Variants in IL12RB2 observed in about 807,000 individuals in gnomAD.
The protein encoded by IL12RB2 is interleukin 12 receptor subunit beta 2.
A neutral mutation model predicts 89.4 loss-of-function variants in IL12RB2; 82 were observed. The observed-to-expected ratio is 0.92, with a 90% CI of 0.77 to 1.10. The LOEUF is 1.10. Among genes scored for constraint, IL12RB2 ranks in the 50% least tolerant of loss-of-function variants. The probability of loss-of-function intolerance (pLI) is 0.00; values close to 1 mark genes in which losing one functional copy is unlikely to be tolerated. For synonymous variants in IL12RB2, 368 were observed against 370.1 expected, an observed-to-expected ratio of 0.99 and a Z score of 0.07; for missense variants, 963 against 1,031.9, an observed-to-expected ratio of 0.93 and a Z score of 0.92.
At chr1:67,384,642 A>C (rs1025531888) in intron 14 of IL12RB2, among the ~76,000 whole-genome samples, 2 of 152,232 alleles carry the variant, frequency 1.3e-5, no homozygotes, top group African/African-American at 4.8e-5. Context: ...ATCAGGCTGC[A>C]AATTTTCCAA....
chr1:67,379,887 C>A, intron 13 of IL12RB2, 99 bp from the exon 14 acceptor site: 2 of 987,038 alleles, frequency 2.0e-6, no homozygotes, highest in Non-Finnish European at 3.2e-6. Context: ...CTTTTTCCTT[C>A]CAAATTAAAT....
In IL12RB2 at chr1:67,396,194, T is replaced by A. The variant is rs1279922202; in HGVS notation, c.*105T>A. 1.2e-6 allele frequency: 1 copy of A among 808,202 alleles called. No homozygotes were observed. Among genetic ancestry groups the A allele is most frequent in the Non-Finnish European group, 2.2e-6 (1 of 458,170 alleles). 50.1% of individuals were successfully genotyped at this position (808,202 alleles called of 1,614,324 possible). A position where few individuals can be genotyped will look rare whatever the true frequency, so the allele number is the denominator to read the frequency against. Reference sequence around the variant, plus strand: ...CAGCTGTCATCTCTGGGTGCCACCATCGGTCTGGCTGCAGCTAGAGGACAG... The same window carrying A: ...CAGCTGTCATCTCTGGGTGCCACCAACGGTCTGGCTGCAGCTAGAGGACAG... On this transcript the variant is annotated 3_prime_UTR_variant, in exon 17 of 17. Coordinates refer to ENST00000674203, the MANE Select transcript of IL12RB2 (RefSeq NM_001374259.2).
chr1:67,329,992 C>A (rs973956103), intron 7 of IL12RB2, among the ~76,000 whole-genome samples: 1 of 151,908 alleles, frequency 6.6e-6, no homozygotes, highest in Non-Finnish European at 1.5e-5. Context: ...TTCATTTCTC[C>A]TTATTATTTA....
intron 10 of IL12RB2, among the ~76,000 whole-genome samples, chr1:67,367,462 G>A (rs951044382): frequency 1.6e-5 from 2 of 127,288 alleles, no homozygotes; most frequent in African/African-American, 3.1e-5. Flanking sequence ...AAAGGAACGA[G>A]GGAAGGAAGG....
chr1:67,375,810 G>A (rs1360471150), intron 13 of IL12RB2, among the ~76,000 whole-genome samples: 2 of 151,110 alleles, frequency 1.3e-5, no homozygotes, highest in African/African-American at 4.9e-5. Context: ...GTTGCCATGT[G>A]TACCAGTAGA....
intron 10 of IL12RB2, among the ~76,000 whole-genome samples, chr1:67,367,108 TG>T (rs1466169466): frequency 6.6e-6 from 1 of 152,074 alleles, no homozygotes; most frequent in Non-Finnish European, 1.5e-5. Context: ...GAAAAAGGAA[TG>T]GGGCTGGGCA....
chr1:67,326,179 A>C (rs72931067), intron 4 of IL12RB2, among the ~76,000 whole-genome samples: 1 of 152,206 alleles, frequency 6.6e-6, no homozygotes, highest in African/African-American at 2.4e-5. Context: ...AGCAAATATC[A>C]GGTGAAGAAA....
chr1:67,322,938 G>A (rs140195407), intron 4 of IL12RB2, among the ~76,000 whole-genome samples: 4 of 152,198 alleles, frequency 2.6e-5, no homozygotes, highest in Non-Finnish European at 5.9e-5. Flanking sequence ...GGCCCTGAGG[G>A]ATTCCATGGC....
chr1:67,363,128 C>G, intron 10 of IL12RB2, among the ~76,000 whole-genome samples: 1 of 151,760 alleles, frequency 6.6e-6, no homozygotes. Flanking sequence ...GTTTTGATCT[C>G]CTGATCTCGT....
chr1:67,374,218 T>C (rs998811376), intron 13 of IL12RB2, among the ~76,000 whole-genome samples: 3 of 152,222 alleles, frequency 2.0e-5, no homozygotes, highest in African/African-American at 7.2e-5. Context: ...CTCTGTAGTA[T>C]GGCATCATAA....
At chr1:67,359,257 G>A (rs531902540) in intron 10 of IL12RB2, among the ~76,000 whole-genome samples, 9 of 152,302 alleles carry the variant, frequency 5.9e-5, no homozygotes, top group Admixed American at 5.9e-4. Flanking sequence ...AGTTCAAGTT[G>A]CTATGGAAAA....
rs1314282673 is a variant in IL12RB2, at chr1:67,362,949, C to A, written c.1259-4876C>A. Among the ~76,000 whole-genome samples the A allele has an allele frequency of 4.0e-5, 6 of 151,092 alleles. No individual in the cohort carries two copies. The South Asian group carries it at 1.3e-3, about 32-fold the overall frequency. On this transcript the variant is annotated intron_variant, in intron 10 of 16. Transcript: ENST00000674203. The stretch of plus-strand genomic sequence containing the variant: ...GACGGAGTCTTGCTCTGTCACCATG[C>A]TGGAGTGCAGTGGCATGATCTCGGC...
chr1:67,328,826 T>C (rs1190088233), intron 6 of IL12RB2, among the ~76,000 whole-genome samples: 1 of 152,168 alleles, frequency 6.6e-6, no homozygotes, highest in Non-Finnish European at 1.5e-5. Context: ...ATAAATAAAA[T>C]TTCTCAAGTC....
At chr1:67,374,806 T>A (rs1437324367) in intron 13 of IL12RB2, among the ~76,000 whole-genome samples, 6 of 72,800 alleles carry the variant, frequency 8.2e-5, no homozygotes, top group Admixed American at 5.5e-4. Context: ...TTTTTTTTTT[T>A]AACAGTAAGC....
rs1268877276 is a variant in IL12RB2, at chr1:67,321,673, A to ACATG, written c.150_153dup (p.Ser52MetfsTer16). ...TTTACTTGGATCCACTGTCAATATT[A>ACATG]CATGCTCTTTGAAGCCCAGACAAGG... is the stretch of plus-strand genomic sequence containing the variant. On this transcript the variant is annotated frameshift_variant, in exon 4 of 17. Transcript: ENST00000674203. LOFTEE classifies it high-confidence loss of function. The ACATG allele has an allele frequency of 1.3e-5, 21 of 1,603,408 alleles. No individual in the cohort carries two copies. The highest frequency in any genetic ancestry group is 1.7e-5 in the Admixed American group (1 of 59,996).
At chr1:67,317,876 A>G (rs1655982813) in intron 2 of IL12RB2, among the ~76,000 whole-genome samples, 1 of 152,226 alleles carries the variant, frequency 6.6e-6, no homozygotes, top group South Asian at 2.1e-4. Context: ...TATAGAAGAC[A>G]GATGACAAAC....
chr1:67,328,503 A>G, intron 6 of IL12RB2, 119 bp downstream of exon 6: 2 of 1,550,898 alleles, frequency 1.3e-6, no homozygotes, highest in South Asian at 2.4e-5. Context: ...CAACAGGCAT[A>G]AGCAAAAGAT....
At chr1:67,370,571 T>TG (rs1663193592) in intron 11 of IL12RB2, among the ~76,000 whole-genome samples, 1 of 152,082 alleles carries the variant, frequency 6.6e-6, no homozygotes, top group South Asian at 2.1e-4. Flanking sequence ...TTTATAAACA[T>TG]GGGGGCAGGG....
chr1:67,330,855 G>A, intron 8 of IL12RB2, 45 bp downstream of exon 8: 1 of 1,021,720 alleles, frequency 9.8e-7, no homozygotes, highest in East Asian at 2.4e-5. Flanking sequence ...CAATAAAGGG[G>A]AGAGAGGGGG....
Sources: allele counts gnomAD v4.1 joint callset (sites outside exome capture counted in the v4.1 genomes callset), GRCh38; gene constraint gnomAD v4.1.1; transcripts MANE v1.5; gene names NCBI Gene and HGNC (gene_info 2026-07-23, HGNC 2026-07-21).